The following MICU3 variants were observed in gnomAD, a reference collection of about 807,000 sequenced individuals.
The protein encoded by MICU3 is mitochondrial calcium uptake 3, also known as calcium uptake protein 3, mitochondrial.
MICU3 carries 62 observed loss-of-function variants against 66.5 expected under a neutral mutation model. That is an observed-to-expected ratio of 0.93 (90% confidence interval 0.76 to 1.15). The LOEUF is 1.15. MICU3 is among the 50% of genes most tolerant of loss of function. MICU3 has a pLI of 0.00. For synonymous variants in MICU3, 308 were observed against 240.7 expected, an observed-to-expected ratio of 1.28 and a Z score of -2.59; for missense variants, 779 against 664.4, an observed-to-expected ratio of 1.17 and a Z score of -1.90.
chr8:17,100,513 C>T (rs1327254837), intron 9 of MICU3, among the ~76,000 whole-genome samples: 2 of 151,550 alleles, frequency 1.3e-5, no homozygotes, highest in African/African-American at 4.8e-5. Context: ...CTGTGAATAC[C>T]AGCGGAACAC....
intron 4 of MICU3, among the ~76,000 whole-genome samples, chr8:17,081,306 T>A (rs1039987086): frequency 6.6e-6 from 1 of 152,138 alleles, no homozygotes; most frequent in African/African-American, 2.4e-5. Context: ...TTTACAGTGT[T>A]AATTAACTAT....
chr8:17,137,340 A>AT, the MICU3 span, among the ~76,000 whole-genome samples: 5 of 151,538 alleles, frequency 3.3e-5, no homozygotes, highest in African/African-American at 4.8e-5. Flanking sequence ...CATCATACTA[A>AT]TTTTTTTTCT....
intron 1 of MICU3, among the ~76,000 whole-genome samples, chr8:17,030,622 G>A (rs1811858008): frequency 6.6e-6 from 1 of 152,196 alleles, no homozygotes; most frequent in African/African-American, 2.4e-5. Flanking sequence ...AAATAGAGAT[G>A]GGAGGTGTAG....
intron 3 of MICU3, among the ~76,000 whole-genome samples, chr8:17,075,446 A>T (rs146354708): frequency 6.6e-6 from 1 of 152,236 alleles, no homozygotes; most frequent in Non-Finnish European, 1.5e-5. Flanking sequence ...CTCGGGTATG[A>T]ACCAAGGATT....
chr8:17,123,124 T>C (rs1187562291), downstream of MICU3, among the ~76,000 whole-genome samples: 1 of 152,118 alleles, frequency 6.6e-6, no homozygotes, highest in Admixed American at 6.5e-5. Context: ...TGATAAGAAA[T>C]CACTGTGGTT....
chr8:17,124,360 C>G (rs1222169477), downstream of MICU3, among the ~76,000 whole-genome samples: 1 of 151,988 alleles, frequency 6.6e-6, no homozygotes, highest in Non-Finnish European at 1.5e-5. Context: ...GACTGGTGAC[C>G]AGAACTATAT....
At chr8:17,027,933 C>T (rs1306033919) in intron 1 of MICU3, among the ~76,000 whole-genome samples, 1 of 152,126 alleles carries the variant, frequency 6.6e-6, no homozygotes, top group Non-Finnish European at 1.5e-5. Context: ...CCCTCCCCCT[C>T]TTACAAAAAA....
At chr8:17,092,628 TTAGA>T (rs1433060597) in intron 8 of MICU3, among the ~76,000 whole-genome samples, 26 of 152,032 alleles carry the variant, frequency 1.7e-4, no homozygotes, top group African/African-American at 6.3e-4. Context: ...GTTTACTTGG[TTAGA>T]TAAACTAAAT....
downstream of MICU3, among the ~76,000 whole-genome samples, chr8:17,124,757 A>G (rs1563411555): frequency 2.0e-5 from 3 of 151,898 alleles, no homozygotes; most frequent in Admixed American, 2.0e-4. Context: ...TCGTCCAGGG[A>G]TAGAAATAGA....
chr8:17,036,555 C>G (rs952618208), intron 1 of MICU3, among the ~76,000 whole-genome samples: 5 of 152,150 alleles, frequency 3.3e-5, no homozygotes, highest in Non-Finnish European at 7.3e-5. Flanking sequence ...CTCCACATCC[C>G]CATCAGATTA....
intron 7 of MICU3, among the ~76,000 whole-genome samples, chr8:17,089,189 A>T (rs1265101544): frequency 1.3e-5 from 2 of 152,016 alleles, no homozygotes; most frequent in Non-Finnish European, 2.9e-5. Context: ...TCTTACTTTT[A>T]TAATGTAGCT....
chr8:17,055,246 G>A (rs1167509275), intron 1 of MICU3, among the ~76,000 whole-genome samples: 1 of 149,810 alleles, frequency 6.7e-6, no homozygotes, highest in East Asian at 1.9e-4. Context: ...AATCACAGCA[G>A]TTTAGTGTTT....
intron 9 of MICU3, among the ~76,000 whole-genome samples, chr8:17,101,852 T>A (rs558093320): frequency 4.6e-5 from 7 of 152,024 alleles, no homozygotes; most frequent in African/African-American, 1.7e-4. Context: ...CTGTGTCTAG[T>A]CCCTTTTCAG....
In MICU3 at chr8:17,060,782, T is replaced by C. The variant is rs559386131; in HGVS notation, c.382-3302T>C. 6.8e-3 allele frequency among the ~76,000 whole-genome samples: 1,027 copies of C among 151,378 alleles called. 6 individuals carry two copies. Among genetic ancestry groups the C allele is most frequent in the Non-Finnish European group, 0.011 (780 of 67,862 alleles). ...CCTCTGGTTATCTCTTTTATACATA[T>C]TCTTTTTTTTAGGATATAATTTTTT... On this transcript the variant is annotated intron_variant, in intron 1 of 14. Transcript: ENST00000318063.
chr8:17,099,829 G>A (rs1284085628), intron 9 of MICU3, among the ~76,000 whole-genome samples: 2 of 151,628 alleles, frequency 1.3e-5, no homozygotes, highest in Admixed American at 1.3e-4. Flanking sequence ...TATCATTGTT[G>A]TCTCTCCCCA....
chr8:17,067,657 C>G (rs1365812630), intron 2 of MICU3, among the ~76,000 whole-genome samples: 1 of 152,066 alleles, frequency 6.6e-6, no homozygotes, highest in African/African-American at 2.4e-5. Context: ...CCAGGCTGGT[C>G]TCAAACTCCT....
chr8:17,086,564 G>A (rs1397432553), intron 6 of MICU3, among the ~76,000 whole-genome samples: 2 of 152,064 alleles, frequency 1.3e-5, no homozygotes, highest in African/African-American at 2.4e-5. Context: ...GCTTTCTTAT[G>A]ATGGTACACA....
chr8:17,080,356 C>T (rs1229877039), intron 4 of MICU3, among the ~76,000 whole-genome samples: 3 of 152,006 alleles, frequency 2.0e-5, no homozygotes, highest in Non-Finnish European at 2.9e-5. Flanking sequence ...ATTAAGTAGT[C>T]CTTTCCTTGA....
chr8:17,103,232 A>G (rs1271814075), intron 9 of MICU3, among the ~76,000 whole-genome samples: 1 of 151,910 alleles, frequency 6.6e-6, no homozygotes, highest in Non-Finnish European at 1.5e-5. Flanking sequence ...GAAGGACAAA[A>G]TTGCCATCTT....
Sources: gnomAD v4.1 joint callset for allele counts (sites outside exome capture counted in the v4.1 genomes callset) on GRCh38, gnomAD v4.1.1 for gene constraint, MANE v1.5 for transcripts, NCBI Gene and HGNC (gene_info 2026-07-23, HGNC 2026-07-21) for gene names.